The following KCNA1 variants were observed in gnomAD, a reference collection of about 807,000 sequenced individuals.
KCNA1 encodes potassium voltage-gated channel subfamily A member 1, also known as potassium channel, voltage gated shaker related subfamily A, member 1.
KCNA1 carries 19 observed loss-of-function variants against 28.8 expected under a neutral mutation model. The observed-to-expected ratio is 0.66, with a 90% CI of 0.46 to 0.97. KCNA1 has a LOEUF of 0.97. KCNA1 is among the 50% of genes least tolerant of loss of function. The probability of loss-of-function intolerance (pLI) is 0.00; values close to 1 mark genes in which losing one functional copy is unlikely to be tolerated. For synonymous variants in KCNA1, 311 were observed against 268.8 expected, an observed-to-expected ratio of 1.16 and a Z score of -1.53; for missense variants, 419 against 659.7, an observed-to-expected ratio of 0.64 and a Z score of 4.00.
chr12:4,915,740 T>G lies in KCNA1; in HGVS notation c.*2874T>G, dbSNP rs545162947. On this transcript the variant is annotated 3_prime_UTR_variant, in exon 2 of 2. Transcript: ENST00000382545. ...CGTTGAGGTCTAGTGCACACAGAAC[T>G]TGAAACACCGCACTCTGTCAACAGC... 6.0e-6 allele frequency: 1 copy of G among 167,224 alleles called. No individual in the cohort carries two copies. Among genetic ancestry groups the G allele is most frequent in the African/African-American group, 2.4e-5 (1 of 41,576 alleles). 10.4% of individuals were successfully genotyped at this position (167,224 alleles called of 1,614,324 possible).
chr12:4,912,701 C>G lies in KCNA1; in HGVS notation c.1323C>G (p.Leu441=). ...CTAACTTAGCCTCTGACAGTGACCT[C>G]AGTCGCCGCAGTTCCTCTACTATGA... ...SSPNLASDSD[L]SRRSSSTMSK... The change falls in exon 2 of 2, where the codon CTC becomes CTG. Residue 441 remains leucine, a synonymous_variant. Coordinates refer to ENST00000382545, the MANE Select transcript of KCNA1 (RefSeq NM_000217.3). The G allele has an allele frequency of 1.2e-6, 2 of 1,613,156 alleles. No homozygotes were observed. Among genetic ancestry groups the G allele is most frequent in the Non-Finnish European group, 1.7e-6 (2 of 1,179,956 alleles).
At position 4,914,113 on chromosome 12, in the gene KCNA1, G is replaced by T. The variant is rs982847249; in HGVS notation, c.*1247G>T. 6.0e-6 allele frequency: 1 copy of T among 166,300 alleles called. No individual in the cohort carries two copies. The highest frequency in any genetic ancestry group is 1.5e-5 in the Non-Finnish European group (1 of 67,964). The allele number at this position is 166,300 out of a possible 1,614,324, so 10.3% of individuals were successfully genotyped here. A position where few individuals can be genotyped will look rare whatever the true frequency, so the allele number is the denominator to read the frequency against. ...GAAATTATGGGGGGTGGGGGTGGGG[G>T]CACTCAGTCAATTTTCCTGCCTTTG... On this transcript the variant is annotated 3_prime_UTR_variant, in exon 2 of 2. Transcript: ENST00000382545.
chr12:4,916,238 G>C lies in KCNA1; in HGVS notation c.*3372G>C, dbSNP rs1304988042. ...TCTTCCCCTTCCTAGGCATGGAGCT[G>C]TAACAGCTCATGTCCTGACTATGTG... On this transcript the variant is annotated 3_prime_UTR_variant, in exon 2 of 2. Coordinates refer to ENST00000382545, the MANE Select transcript of KCNA1 (RefSeq NM_000217.3). The C allele has an allele frequency of 6.0e-6, 1 of 167,022 alleles. No homozygotes were observed. The highest frequency in any genetic ancestry group is 1.5e-5 in the Non-Finnish European group (1 of 68,116). 10.3% of individuals were successfully genotyped at this position (167,022 alleles called of 1,614,324 possible).
In KCNA1 at chr12:4,911,260, C is replaced by A. The variant is rs1217312049; in HGVS notation, c.-119C>A. Reference sequence around the variant, plus strand: ...TCGTGTTGAAGCACCTCCCCCTGGGCGTGAGGGAGACGCGCGCTCCGGTGG... The same window carrying A: ...TCGTGTTGAAGCACCTCCCCCTGGGAGTGAGGGAGACGCGCGCTCCGGTGG... On this transcript the variant is annotated 5_prime_UTR_variant, in exon 2 of 2. Coordinates refer to ENST00000382545, the MANE Select transcript of KCNA1 (RefSeq NM_000217.3). This position sits in a 1 kb window ranked among gnomAD's most constrained non-coding sequence, Gnocchi z 6.6. The A allele has an allele frequency of 1.1e-5, 8 of 720,472 alleles. No individual in the cohort carries two copies. The East Asian group carries it at 2.1e-4, about 19-fold the overall frequency. 44.6% of individuals were successfully genotyped at this position (720,472 alleles called of 1,614,324 possible).
chr12:4,910,939 G>C lies in KCNA1; in HGVS notation c.-440G>C, dbSNP rs961618105. The C allele has an allele frequency of 5.0e-6, 1 of 199,346 alleles. No homozygotes were observed. Among genetic ancestry groups the C allele is most frequent in the East Asian group, 1.5e-4 (1 of 6,780 alleles). The allele number at this position is 199,346 out of a possible 1,614,324, so 12.3% of individuals were successfully genotyped here. A position where few individuals can be genotyped will look rare whatever the true frequency, so the allele number is the denominator to read the frequency against. On this transcript the variant is annotated 5_prime_UTR_variant, in exon 2 of 2. Transcript: ENST00000382545. This position sits in a 1 kb window ranked among gnomAD's most constrained non-coding sequence, Gnocchi z 4.9. ...AAGCAGAGAGGGTGGCAGGCGTGGG[G>C]ATCTGCCGAGCCGGCACTGCACCGG...
In KCNA1 at chr12:4,910,174, C is replaced by G. The variant is rs1332936124; in HGVS notation, c.-838C>G. On this transcript the variant is annotated 5_prime_UTR_variant, in exon 1 of 2. Coordinates refer to ENST00000382545, the MANE Select transcript of KCNA1 (RefSeq NM_000217.3). This position sits in a 1 kb window ranked among gnomAD's most constrained non-coding sequence, Gnocchi z 4.9. ...AGAGGGTGGTATTTTGCTTTTCCGC[C>G]CCGCATCCTCCGGAACTCCCTGCAC... 1 of 152,532 alleles carries G rather than the reference C, an allele frequency of 6.6e-6. No individual in the cohort carries two copies. Among genetic ancestry groups the G allele is most frequent in the African/African-American group, 2.4e-5 (1 of 41,456 alleles). 9.4% of individuals were successfully genotyped at this position (152,532 alleles called of 1,614,324 possible). A position where few individuals can be genotyped will look rare whatever the true frequency, so the allele number is the denominator to read the frequency against.
rs2137673704 is a variant in KCNA1, at chr12:4,912,284, C to T, written c.906C>T (p.Ile302=). The change falls in exon 2 of 2, where the codon ATC becomes ATT. Residue 302 remains isoleucine (I), a synonymous_variant. Transcript: ENST00000382545. ...TCCGCTTGGTAAGGGTTTTTAGAAT[C>T]TTCAAGCTCTCCCGCCACTCTAAGG... ...RVIRLVRVFR[I]FKLSRHSKGL... The T allele has an allele frequency of 6.2e-7, 1 of 1,613,198 alleles. No individual in the cohort carries two copies. Among genetic ancestry groups the T allele is most frequent in the African/African-American group, 1.3e-5 (1 of 74,726 alleles).
In KCNA1 at chr12:4,912,570, C is replaced by T. The variant is rs761868527; in HGVS notation, c.1192C>T (p.Leu398=). 5 of 1,613,814 alleles carry T rather than the reference C, an allele frequency of 3.1e-6. 1 individual carries two copies. In the Admixed American group the frequency reaches 8.3e-5, roughly 27 times the overall value. The change falls in exon 2 of 2, where the codon CTA becomes TTA. Residue 398 remains leucine, a synonymous_variant. Coordinates refer to ENST00000382545, the MANE Select transcript of KCNA1 (RefSeq NM_000217.3). ...CTCCTTGTGTGCCATCGCTGGTGTG[C>T]TAACAATTGCCCTGCCCGTACCTGT... ...VGSLCAIAGV[L]TIALPVPVIV...
chr12:4,911,295 TTGGGTCCCCCCCAC>T lies in KCNA1; in HGVS notation c.-83_-70del, dbSNP rs1947349245. 9.1e-7 allele frequency: 1 copy of T among 1,095,174 alleles called. No individual in the cohort carries two copies. Among genetic ancestry groups the T allele is most frequent in the Non-Finnish European group, 1.3e-6 (1 of 749,280 alleles). 67.8% of individuals were successfully genotyped at this position (1,095,174 alleles called of 1,614,324 possible). On this transcript the variant is annotated 5_prime_UTR_variant, in exon 2 of 2. Coordinates refer to ENST00000382545, the MANE Select transcript of KCNA1 (RefSeq NM_000217.3). The surrounding 1 kb of genome is among the most constrained non-coding windows in gnomAD (Gnocchi z 6.6). ...ACGCGCGCTCCGGTGGGGGGGCCGC[TTGGGTCCCCCCCAC>T]CCCTGGTCCCTGGCTGCTTCCCACC...
At position 4,917,732 on chromosome 12, in the gene KCNA1, G is replaced by A. The variant is rs978455689; in HGVS notation, c.*4866G>A. On this transcript the variant is annotated 3_prime_UTR_variant, in exon 2 of 2. Coordinates refer to ENST00000382545, the MANE Select transcript of KCNA1 (RefSeq NM_000217.3). ...GTACCACAATCAAAGAAGAAGAAAT[G>A]GTGTATGGAAAGAAAACAAAACAAA... 1 of 166,910 alleles carries A rather than the reference G, an allele frequency of 6.0e-6. No homozygotes were observed. Among genetic ancestry groups the A allele is most frequent in the Admixed American group, 6.5e-5 (1 of 15,280 alleles). The allele number at this position is 166,910 out of a possible 1,614,324, so 10.3% of individuals were successfully genotyped here.
At position 4,911,204 on chromosome 12, in the gene KCNA1, G is replaced by A. The variant is rs1299509181; in HGVS notation, c.-175G>A. 3.3e-6 allele frequency: 2 copies of A among 609,604 alleles called. No individual in the cohort carries two copies. Among genetic ancestry groups the A allele is most frequent in the Non-Finnish European group, 5.8e-6 (2 of 344,706 alleles). 37.8% of individuals were successfully genotyped at this position (609,604 alleles called of 1,614,324 possible). A position where few individuals can be genotyped will look rare whatever the true frequency, so the allele number is the denominator to read the frequency against. On this transcript the variant is annotated 5_prime_UTR_variant, in exon 2 of 2. Transcript: ENST00000382545. This position sits in a 1 kb window ranked among gnomAD's most constrained non-coding sequence, Gnocchi z 6.6. ...AAGGCAGGGTGGAGGGGAAGGCAGC[G>A]AGAGGCAAAGTCGCAGATCTCCCGA...
At position 4,916,557 on chromosome 12, in the gene KCNA1, G is replaced by A. The variant is rs1947387601; in HGVS notation, c.*3691G>A. On this transcript the variant is annotated 3_prime_UTR_variant, in exon 2 of 2. Transcript: ENST00000382545. ...GTGCCCAACTCCCCTTGCACTCCCT[G>A]GAGACTTGAGTTCTGATTTTCAGTT... is the stretch of plus-strand genomic sequence containing the variant. 6.0e-6 allele frequency: 1 copy of A among 167,086 alleles called. No homozygotes were observed. The allele number at this position is 167,086 out of a possible 1,614,324, so 10.4% of individuals were successfully genotyped here.
chr12:4,912,500 A>C lies in KCNA1; in HGVS notation c.1122A>C (p.Gly374=), dbSNP rs778171002. The change falls in exon 2 of 2, where the codon GGA becomes GGC. Residue 374 remains glycine (G), a synonymous_variant. Coordinates refer to ENST00000382545, the MANE Select transcript of KCNA1 (RefSeq NM_000217.3). ...WWAVVSMTTV[G]YGDMYPVTIG... is the part of the protein sequence containing the mutation. ...CGGTGGTGTCCATGACCACTGTAGG[A>C]TACGGTGACATGTACCCTGTGACAA... 6.2e-7 allele frequency: 1 copy of C among 1,613,660 alleles called. No homozygotes were observed. Among genetic ancestry groups the C allele is most frequent in the South Asian group, 1.1e-5 (1 of 91,052 alleles).
Position 4,910,146 on chromosome 12 carries a change from G to C in KCNA1, c.-866G>C, listed in dbSNP as rs569380431. The C allele has an allele frequency of 6.6e-6, 1 of 152,068 alleles. No individual in the cohort carries two copies. The highest frequency in any genetic ancestry group is 1.5e-5 in the Non-Finnish European group (1 of 67,624). The allele number at this position is 152,068 out of a possible 1,614,324, so 9.4% of individuals were successfully genotyped here. On this transcript the variant is annotated 5_prime_UTR_variant, in exon 1 of 2. Transcript: ENST00000382545. This position sits in a 1 kb window ranked among gnomAD's most constrained non-coding sequence, Gnocchi z 4.9. ...TTATCGTCATTTGCCTCGGAGCTTC[G>C]AGAGAGGGTGGTATTTTGCTTTTCC...
chr12:4,916,346 G>A lies in KCNA1; in HGVS notation c.*3480G>A, dbSNP rs1947386298. 6.0e-6 allele frequency: 1 copy of A among 166,986 alleles called. No individual in the cohort carries two copies. Among genetic ancestry groups the A allele is most frequent in the Non-Finnish European group, 1.5e-5 (1 of 68,110 alleles). The allele number at this position is 166,986 out of a possible 1,614,324, so 10.3% of individuals were successfully genotyped here. Reference sequence around the variant, plus strand: ...GTCTATTGGGGCCCTAGTTCAATAGGGTGGCAATAGAAGAGTTGGTCACAC... The same window carrying A: ...GTCTATTGGGGCCCTAGTTCAATAGAGTGGCAATAGAAGAGTTGGTCACAC... On this transcript the variant is annotated 3_prime_UTR_variant, in exon 2 of 2. Coordinates refer to ENST00000382545, the MANE Select transcript of KCNA1 (RefSeq NM_000217.3).
Position 4,912,494 on chromosome 12 carries a change from T to C in KCNA1, c.1116T>C (p.Thr372=), listed in dbSNP as rs770232444. The change falls in exon 2 of 2, where the codon ACT becomes ACC. Residue 372 remains threonine (T), a synonymous_variant. Coordinates refer to ENST00000382545, the MANE Select transcript of KCNA1 (RefSeq NM_000217.3). ...GGTGGGCGGTGGTGTCCATGACCAC[T>C]GTAGGATACGGTGACATGTACCCTG... ...AFWWAVVSMT[T]VGYGDMYPVT... is the part of the protein sequence containing the mutation. 1.2e-6 allele frequency: 2 copies of C among 1,613,860 alleles called. No homozygotes were observed. Among genetic ancestry groups the C allele is most frequent in the East Asian group, 2.2e-5 (1 of 44,834 alleles).
In KCNA1 at chr12:4,912,439, C is replaced by T. The variant is rs1259861866; in HGVS notation, c.1061C>T (p.Ser354Leu). 1 of 1,613,878 alleles carries T rather than the reference C, an allele frequency of 6.2e-7. No homozygotes were observed. Residue 354 changes from serine to leucine, a missense_variant, in exon 2 of 2, where the codon TCG (serine) becomes TTG (leucine). By Grantham distance (145) the Ser-to-Leu change is moderately radical. Transcript: ENST00000382545. Reference sequence around the variant, plus strand: ...TTTGCCGAGGCGGAAGAAGCTGAGTCGCACTTCTCCAGTATCCCCGATGCT... The same window carrying T: ...TTTGCCGAGGCGGAAGAAGCTGAGTTGCACTTCTCCAGTATCCCCGATGCT... Reference protein sequence around the residue: ...VYFAEAEEAESHFSSIPDAFW... With the variant: ...VYFAEAEEAELHFSSIPDAFW...
chr12:4,918,159 T>C lies in KCNA1; in HGVS notation c.*5293T>C, dbSNP rs1055042979. The C allele has an allele frequency of 1.2e-5, 2 of 167,124 alleles. No individual in the cohort carries two copies. Among genetic ancestry groups the C allele is most frequent in the African/African-American group, 4.8e-5 (2 of 41,456 alleles). 10.4% of individuals were successfully genotyped at this position (167,124 alleles called of 1,614,324 possible). On this transcript the variant is annotated 3_prime_UTR_variant, in exon 2 of 2. Transcript: ENST00000382545. ...GAATTGAGAACCTAATTGATGCGCA[T>C]AGTTTTCATCTATGCAATTTTACTT... is the stretch of plus-strand genomic sequence containing the variant.
rs909357734 is a variant in KCNA1 at position 4,916,871 on chromosome 12, C to T, written c.*4005C>T. On this transcript the variant is annotated 3_prime_UTR_variant, in exon 2 of 2. Coordinates refer to ENST00000382545, the MANE Select transcript of KCNA1 (RefSeq NM_000217.3). ...CTTCTTCACATTGTGTATAGTTACA[C>T]GTTTTTCAAATTAGGTACCATCTAA... is the stretch of plus-strand genomic sequence containing the variant. The T allele has an allele frequency of 3.5e-4, 59 of 167,060 alleles. No individual in the cohort carries two copies. Among genetic ancestry groups the T allele is most frequent in the African/African-American group, 1.3e-3 (55 of 41,558 alleles). 10.3% of individuals were successfully genotyped at this position (167,060 alleles called of 1,614,324 possible). A position where few individuals can be genotyped will look rare whatever the true frequency, so the allele number is the denominator to read the frequency against.
Sources: gnomAD v4.1 joint callset for allele counts on GRCh38, gnomAD v4.1.1 for gene constraint, Gnocchi (gnomAD v3.1) non-coding constraint, MANE v1.5 for transcripts, NCBI Gene and HGNC (gene_info 2026-07-23, HGNC 2026-07-21) for gene names.